MAGI2: variants seen among roughly 807,000 people sequenced by gnomAD.
The protein encoded by MAGI2 is membrane associated guanylate kinase, WW and PDZ domain containing 2.
A neutral mutation model predicts 133.3 loss-of-function variants in MAGI2; 35 were observed. That is an observed-to-expected ratio of 0.26 (90% CI 0.20 to 0.35). The LOEUF (loss-of-function observed/expected upper bound fraction) is 0.35, where lower values mean the gene tolerates loss of function less well. Ranked by LOEUF, MAGI2 falls within the 10% of genes least tolerant of loss-of-function variation. The probability of loss-of-function intolerance (pLI) is 1.00; values close to 1 mark genes in which losing one functional copy is unlikely to be tolerated. For missense variants in MAGI2, 1,636 were observed against 1,863.4 expected (o/e 0.88, Z 2.25); for synonymous variants, 729 against 710.6 (o/e 1.03, Z -0.41).
Position 78,536,943 on chromosome 7 carries a change from C to T in MAGI2, c.539-15298G>A, listed in dbSNP as rs116868755. On this transcript the variant is annotated intron_variant, in intron 3 of 21. Transcript: ENST00000354212. Reference sequence around the variant, plus strand: ...GTGTACTCTGTACCCAATGTGTAGTCTTTTATCCCTTGCTCCTCTTCCATG... The same window carrying T: ...GTGTACTCTGTACCCAATGTGTAGTTTTTTATCCCTTGCTCCTCTTCCATG... Among the ~76,000 whole-genome samples, 902 of 152,062 alleles carry T rather than the reference C, an allele frequency of 5.9e-3. 7 individuals are homozygous for T. The highest frequency in any genetic ancestry group is 9.2e-3 in the Non-Finnish European group (626 of 67,952).
intron 1 of MAGI2, among the ~76,000 whole-genome samples, chr7:79,426,272 CA>C (rs546358200): frequency 3.5e-4 from 54 of 152,234 alleles, no homozygotes; most frequent in African/African-American, 1.2e-3. Context: ...AGATCAGAAA[CA>C]TGCTCTTGAC....
intron 21 of MAGI2, among the ~76,000 whole-genome samples, chr7:78,075,330 C>T (rs932875045): frequency 1.3e-5 from 2 of 152,066 alleles, no homozygotes; most frequent in Non-Finnish European, 2.9e-5. Flanking sequence ...TGTGTCTTTT[C>T]CCTTGTGAGC....
intron 6 of MAGI2, among the ~76,000 whole-genome samples, chr7:78,477,380 C>G (rs1328081509): frequency 6.6e-6 from 1 of 151,754 alleles, no homozygotes; most frequent in East Asian, 1.9e-4. Flanking sequence ...TTTATAATAC[C>G]TTTCAGAGAG....
At chr7:78,413,322 A>T (rs1226827820) in intron 6 of MAGI2, among the ~76,000 whole-genome samples, 1 of 152,106 alleles carries the variant, frequency 6.6e-6, no homozygotes, top group African/African-American at 2.4e-5. Flanking sequence ...CCATTAGTGG[A>T]AGAAAATGGT....
chr7:78,992,102 A>G (rs1401301184), intron 2 of MAGI2, among the ~76,000 whole-genome samples: 1 of 152,110 alleles, frequency 6.6e-6, no homozygotes, highest in Non-Finnish European at 1.5e-5. Context: ...ATTGTTAAAC[A>G]AAGATGAAAT....
chr7:78,819,452 A>C (rs1789895914), intron 2 of MAGI2, among the ~76,000 whole-genome samples: 2 of 152,102 alleles, frequency 1.3e-5, no homozygotes, highest in Non-Finnish European at 2.9e-5. Context: ...TTATCGGGAA[A>C]TATCTCCCAT....
chr7:78,201,846 A>G (rs1829284339), intron 10 of MAGI2, among the ~76,000 whole-genome samples: 1 of 152,198 alleles, frequency 6.6e-6, no homozygotes, highest in Non-Finnish European at 1.5e-5. Flanking sequence ...TACCCAATGT[A>G]TTGATCTCTT....
At chr7:78,724,912 A>G (rs773766639) in intron 2 of MAGI2, among the ~76,000 whole-genome samples, 1 of 152,232 alleles carries the variant, frequency 6.6e-6, no homozygotes, top group Non-Finnish European at 1.5e-5. Flanking sequence ...ATTGGAGAGA[A>G]GCGCTCTAAG....
At chr7:79,062,951 A>AT (rs758741508) in intron 1 of MAGI2, among the ~76,000 whole-genome samples, 2 of 152,014 alleles carry the variant, frequency 1.3e-5, no homozygotes, top group African/African-American at 2.4e-5. Flanking sequence ...GGATTCAACT[A>AT]TTTTTTTGCT....
At chr7:78,979,900 T>C (rs1286646782) in intron 2 of MAGI2, among the ~76,000 whole-genome samples, 1 of 151,966 alleles carries the variant, frequency 6.6e-6, no homozygotes, top group Admixed American at 6.6e-5. Flanking sequence ...CAATTTCAAA[T>C]TTTTAAAATG....
chr7:78,924,249 G>C (rs1416311057), intron 2 of MAGI2, among the ~76,000 whole-genome samples: 1 of 152,112 alleles, frequency 6.6e-6, no homozygotes, highest in African/African-American at 2.4e-5. Flanking sequence ...AGAGTGGTGA[G>C]AGAGGGCAAC....
chr7:78,855,963 G>A (rs1343776387), intron 2 of MAGI2, among the ~76,000 whole-genome samples: 1 of 152,162 alleles, frequency 6.6e-6, no homozygotes, highest in Non-Finnish European at 1.5e-5. Context: ...GGTGTGAGAT[G>A]GTATCTCATT....
chr7:78,199,255 C>A lies in MAGI2; in HGVS notation c.2079+1907G>T, dbSNP rs556090183. Among the ~76,000 whole-genome samples the A allele has an allele frequency of 5.8e-4, 89 of 152,314 alleles. 1 individual carries two copies. The South Asian group carries it at 0.018, about 31-fold the overall frequency. On this transcript the variant is annotated intron_variant, in intron 11 of 21. Coordinates refer to ENST00000354212, the MANE Select transcript of MAGI2 (RefSeq NM_012301.4). Reference sequence around the variant, plus strand: ...ACACTCAGAGGACAGGTGTATAAACCTACATACTGTGGGTATATTGTTATA... The same window carrying A: ...ACACTCAGAGGACAGGTGTATAAACATACATACTGTGGGTATATTGTTATA...
chr7:78,313,142 T>A (rs1326314363), intron 9 of MAGI2, among the ~76,000 whole-genome samples: 3 of 151,990 alleles, frequency 2.0e-5, no homozygotes, highest in Admixed American at 6.6e-5. Flanking sequence ...AGCTAAACAA[T>A]GTGCACACAT....
At chr7:78,744,535 C>T (rs1046742392) in intron 2 of MAGI2, among the ~76,000 whole-genome samples, 1 of 152,008 alleles carries the variant, frequency 6.6e-6, no homozygotes. Flanking sequence ...AACAAAAAAA[C>T]GTATCTCATT....
chr7:79,171,770 A>ATATTTTTTTTTTTT, intron 1 of MAGI2, among the ~76,000 whole-genome samples: 1 of 31,196 alleles, frequency 3.2e-5, no homozygotes, highest in Non-Finnish European at 1.1e-4. Context: ...ATATATATAT[A>ATATTTTTTTTTTTT]TTTTTTTTTT....
At chr7:78,919,434 G>T (rs940089640) in intron 2 of MAGI2, among the ~76,000 whole-genome samples, 10 of 152,022 alleles carry the variant, frequency 6.6e-5, no homozygotes, top group African/African-American at 2.4e-4. Context: ...TGCATACAAT[G>T]CTTTGCTATC....
At chr7:78,662,760 A>G (rs888299734) in intron 2 of MAGI2, among the ~76,000 whole-genome samples, 6 of 152,194 alleles carry the variant, frequency 3.9e-5, no homozygotes, top group African/African-American at 1.4e-4. Flanking sequence ...ACTGGTGAAG[A>G]GAGAAAATTA....
At chr7:79,317,604 T>A (rs1305159593) in intron 1 of MAGI2, among the ~76,000 whole-genome samples, 1 of 152,198 alleles carries the variant, frequency 6.6e-6, no homozygotes, top group African/African-American at 2.4e-5. Flanking sequence ...ATGGATTCTT[T>A]ACATTCTATT....
Sources: allele counts gnomAD v4.1 joint callset (sites outside exome capture counted in the v4.1 genomes callset), GRCh38; gene constraint gnomAD v4.1.1; transcripts MANE v1.5; gene names NCBI Gene and HGNC (gene_info 2026-07-23, HGNC 2026-07-21).